EPG5: variants seen among roughly 807,000 people sequenced by gnomAD.
The protein encoded by EPG5 is ectopic P-granules 5 autophagy tethering factor.
In EPG5, 159 loss-of-function variants were observed where a neutral mutation model predicts 302.7. The ratio of observed to expected loss-of-function variants is 0.53; its 90% CI spans 0.46 to 0.60. The LOEUF is 0.60. Among genes scored for constraint, EPG5 ranks in the 20% least tolerant of loss-of-function variants. The probability of loss-of-function intolerance (pLI) is 0.00; values close to 1 mark genes in which losing one functional copy is unlikely to be tolerated. For synonymous variants in EPG5, 1,158 were observed against 1,136.8 expected (o/e 1.02, Z -0.37); for missense variants, 2,896 against 3,092.4 (o/e 0.94, Z 1.51).
At chr18:45,880,037 G>A in intron 32 of EPG5, 38 bp downstream of exon 32, 2 of 1,499,892 alleles carry the variant, frequency 1.3e-6, no homozygotes, top group South Asian at 1.3e-5. Flanking sequence ...GAAATAAAAA[G>A]AAATGCACAA....
chr18:45,853,594 C>T (rs896850926), intron 43 of EPG5, among the ~76,000 whole-genome samples: 4 of 152,168 alleles, frequency 2.6e-5, no homozygotes, highest in African/African-American at 9.7e-5. Flanking sequence ...TTTACAGAAA[C>T]CACTGCACTA....
chr18:45,899,718 T>TAA, intron 26 of EPG5, 152 bp from the exon 27 acceptor site: 1 of 706,544 alleles, frequency 1.4e-6, no homozygotes, highest in Non-Finnish European at 2.3e-6. Context: ...AGCCAAGACT[T>TAA]ACCCAAATCA....
At chr18:45,824,269 C>G in the EPG5 span, among the ~76,000 whole-genome samples, 5 of 152,184 alleles carry the variant, frequency 3.3e-5, no homozygotes, top group Admixed American at 1.3e-4. Context: ...GGCAGTGGCA[C>G]AATCTTGGCT....
At chr18:45,808,738 C>G in the EPG5 span, among the ~76,000 whole-genome samples, 15 of 152,042 alleles carry the variant, frequency 9.9e-5, no homozygotes, top group Non-Finnish European at 1.9e-4. Context: ...AACCTTGAAA[C>G]AAATCTTGGA....
At chr18:45,827,235 A>G in the EPG5 span, among the ~76,000 whole-genome samples, 1 of 152,164 alleles carries the variant, frequency 6.6e-6, no homozygotes, top group East Asian at 1.9e-4. Context: ...ACTCTTCCCT[A>G]TGAAACATTC....
chr18:45,965,907 GC>G (rs747821539), intron 1 of EPG5, among the ~76,000 whole-genome samples: 50 of 151,566 alleles, frequency 3.3e-4, no homozygotes, highest in Admixed American at 8.5e-4. Context: ...TACAAAATTA[GC>G]CGTGTGTGGT....
intron 11 of EPG5, among the ~76,000 whole-genome samples, chr18:45,933,233 A>G (rs911332756): frequency 6.6e-6 from 1 of 152,234 alleles, no homozygotes; most frequent in African/African-American, 2.4e-5. Context: ...CCCCCAGGAC[A>G]GTGGAGAAGC....
chr18:45,917,768 C>T lies in EPG5; in HGVS notation c.3150G>A (p.Gln1050=), dbSNP rs2050066047. ...GAACCACTGTTCTCAAATGTCTTGACTGGACCAGAATTCCCAATAGTGGGA... is the reference window on the plus strand; with the variant it reads ...GAACCACTGTTCTCAAATGTCTTGATTGGACCAGAATTCCCAATAGTGGGA... ...EGIPLLGILV[Q]SRHLRTVVHV... Residue 1050 remains glutamine (Q), a synonymous_variant, in exon 17 of 44, where the codon CAG becomes CAA. Coordinates refer to ENST00000282041, the MANE Select transcript of EPG5 (RefSeq NM_020964.3). The T allele has an allele frequency of 6.2e-7, 1 of 1,614,166 alleles. No homozygotes were observed.
intron 39 of EPG5, among the ~76,000 whole-genome samples, chr18:45,863,654 C>T (rs192229589): frequency 6.6e-6 from 1 of 152,212 alleles, no homozygotes; most frequent in East Asian, 1.9e-4. Flanking sequence ...TAAAGGGTGG[C>T]TTTTCTTAGT....
chr18:45,807,327 T>C, the EPG5 span, among the ~76,000 whole-genome samples: 1 of 152,176 alleles, frequency 6.6e-6, no homozygotes, highest in Admixed American at 6.5e-5. Context: ...CATATACTCT[T>C]GGGAGTTCTA....
At chr18:45,894,169 A>AT (rs2049415811) in intron 27 of EPG5, among the ~76,000 whole-genome samples, 1 of 152,192 alleles carries the variant, frequency 6.6e-6, no homozygotes, top group African/African-American at 2.4e-5. Context: ...TACTAAAAAA[A>AT]TTAAAACAGG....
At chr18:45,959,760 AC>A (rs1284168233) in intron 1 of EPG5, among the ~76,000 whole-genome samples, 5 of 152,014 alleles carry the variant, frequency 3.3e-5, no homozygotes, top group Non-Finnish European at 7.4e-5. Context: ...TGGGTGGATC[AC>A]CTGAGGTGAG....
chr18:45,949,697 CAA>C (rs1314307957), intron 4 of EPG5, 106 bp from the exon 5 acceptor site: 2 of 635,516 alleles, frequency 3.1e-6, no homozygotes, highest in Middle Eastern at 3.3e-4. Context: ...TGCAATCTTT[CAA>C]AAGAGTAACC....
At chr18:45,928,788 C>T in intron 13 of EPG5, 81 bp downstream of exon 13, 1 of 1,385,332 alleles carries the variant, frequency 7.2e-7, no homozygotes, top group Non-Finnish European at 9.9e-7. Context: ...AAGATCATTC[C>T]CAAGAACCTT....
intron 16 of EPG5, among the ~76,000 whole-genome samples, chr18:45,920,378 G>A (rs2050127617): frequency 6.6e-6 from 1 of 152,218 alleles, no homozygotes; most frequent in Non-Finnish European, 1.5e-5. Context: ...CTAAGTAACT[G>A]TAAGAGGAAC....
intron 2 of EPG5, among the ~76,000 whole-genome samples, chr18:45,952,880 T>C (rs1377813737): frequency 6.6e-6 from 1 of 152,084 alleles, no homozygotes; most frequent in Non-Finnish European, 1.5e-5. Flanking sequence ...GTAACTCTAG[T>C]AGTCAGCAGT....
chr18:45,820,625 C>G, the EPG5 span, among the ~76,000 whole-genome samples: 1 of 151,864 alleles, frequency 6.6e-6, no homozygotes, highest in South Asian at 2.1e-4. Context: ...ATTGACACCT[C>G]TGTTCCACGG....
the EPG5 span, among the ~76,000 whole-genome samples, chr18:45,832,890 C>G: frequency 1.4e-4 from 21 of 152,292 alleles, no homozygotes; most frequent in African/African-American, 5.1e-4. Context: ...CTCTGGGCAG[C>G]CTTATCCAAA....
Position 45,878,994 on chromosome 18 carries a change from C to A in EPG5, c.5869+19G>T, listed in dbSNP as rs751631563. ...AAAGTCCAAACACCTAGCTCCACAT[C>A]GCATGAGAAGTATATTACCTGTTTT... is the stretch of plus-strand genomic sequence containing the variant. On this transcript the variant is annotated intron_variant, in intron 33 of 43. Coordinates refer to ENST00000282041, the MANE Select transcript of EPG5 (RefSeq NM_020964.3). 1.9e-6 allele frequency: 3 copies of A among 1,606,046 alleles called. No individual in the cohort carries two copies. The highest frequency in any genetic ancestry group is 2.6e-6 in the Non-Finnish European group (3 of 1,173,148).
Sources: allele counts gnomAD v4.1 joint callset (sites outside exome capture counted in the v4.1 genomes callset), GRCh38; gene constraint gnomAD v4.1.1; transcripts MANE v1.5; gene names NCBI Gene and HGNC (gene_info 2026-07-23, HGNC 2026-07-21).